DNAAF1: variants seen among roughly 807,000 people sequenced by gnomAD.
DNAAF1 encodes the protein dynein assembly factor 1, axonemal.
DNAAF1 carries 65 observed loss-of-function variants against 71.1 expected under a neutral mutation model. The observed-to-expected ratio is 0.91, with a 90% CI of 0.75 to 1.12. The LOEUF is 1.12. Ranked by LOEUF, DNAAF1 falls within the 50% of genes most tolerant of loss-of-function variation. The probability of loss-of-function intolerance (pLI) is 0.00; values close to 1 mark genes in which losing one functional copy is unlikely to be tolerated. For missense variants in DNAAF1, 1,178 were observed against 899.8 expected (o/e 1.31, Z -3.96); for synonymous variants, 414 against 354.6 (o/e 1.17, Z -1.88).
chr16:84,172,532 C>A, intron 9 of DNAAF1, 157 bp downstream of exon 9: 1 of 1,465,766 alleles, frequency 6.8e-7, no homozygotes, highest in Non-Finnish European at 9.1e-7. Flanking sequence ...TGCAGACTCC[C>A]AGGCCTCACC....
chr16:84,149,663 C>T (rs529750805), intron 2 of DNAAF1, among the ~76,000 whole-genome samples: 1 of 144,722 alleles, frequency 6.9e-6, no homozygotes, highest in African/African-American at 2.6e-5. Context: ...TGCACTCCAG[C>T]CCGGGCGGCA....
At chr16:84,153,880 C>T (rs2087293082) in intron 3 of DNAAF1, among the ~76,000 whole-genome samples, 2 of 152,142 alleles carry the variant, frequency 1.3e-5, no homozygotes, top group South Asian at 4.1e-4. Context: ...ACCCACTCCC[C>T]ACCATGAAGG....
intron 3 of DNAAF1, 116 bp from the exon 4 acceptor site, chr16:84,154,461 T>G: frequency 2.2e-6 from 2 of 901,512 alleles, no homozygotes; most frequent in Non-Finnish European, 3.6e-6. Flanking sequence ...TTTCAATGTA[T>G]GAATTTTGAA....
Position 84,155,690 on chromosome 16 carries a change from T to C in DNAAF1, c.682T>C (p.Ser228Pro), listed in dbSNP as rs374780010. The change falls in exon 5 of 12, where the codon TCG becomes CCG. Residue 228 changes from serine to proline, a missense_variant. Ser to Pro is a moderately conservative substitution (Grantham distance 74). Coordinates refer to ENST00000378553, the MANE Select transcript of DNAAF1 (RefSeq NM_178452.6). ...TTTGAGGCTTTGTGTCCTTGACCTT[T>C]CGCACAACAAGCTGAGTGACCCGGA... ...ECLRLCVLDL[S>P]HNKLSDPEIL... 5 of 1,614,180 alleles carry C rather than the reference T, an allele frequency of 3.1e-6. No individual in the cohort carries two copies. Among genetic ancestry groups the C allele is most frequent in the Non-Finnish European group, 4.2e-6 (5 of 1,180,046 alleles).
rs775844062 is a variant in DNAAF1 at position 84,165,967 on chromosome 16, GACA to G, written c.1030+22_1030+24del. 6.2e-7 allele frequency: 1 copy of G among 1,604,146 alleles called. No individual in the cohort carries two copies. Among genetic ancestry groups the G allele is most frequent in the South Asian group, 1.1e-5 (1 of 90,912 alleles). On this transcript the variant is annotated intron_variant, in intron 7 of 11. Coordinates refer to ENST00000378553, the MANE Select transcript of DNAAF1 (RefSeq NM_178452.6). ...AGAGAGAGGTATGCGCTCGGCCGAA[GACA>G]ACAGCCCCAGAGTTCCTTTGAGATT...
Sources: gnomAD v4.1 joint callset for allele counts (sites outside exome capture counted in the v4.1 genomes callset) on GRCh38, gnomAD v4.1.1 for gene constraint, MANE v1.5 for transcripts, NCBI Gene and HGNC (gene_info 2026-07-23, HGNC 2026-07-21) for gene names.